The following ADD2 variants were observed in gnomAD, a reference collection of about 807,000 sequenced individuals.
The protein encoded by ADD2 is adducin 2, also known as beta-adducin.
Under a neutral mutation model 83.0 loss-of-function variants are expected in ADD2, and 23 were observed. That is an observed-to-expected ratio of 0.28 (90% CI 0.20 to 0.39). The LOEUF is 0.39. Among genes scored for constraint, ADD2 ranks in the 10% least tolerant of loss-of-function variants. The pLI is 1.00. For missense variants in ADD2, 758 were observed against 944.9 expected (o/e 0.80, Z 2.59); for synonymous variants, 375 against 375.4 (o/e 1.00, Z 0.01).
chr2:70,746,682 T>C (rs558451999), intron 1 of ADD2, among the ~76,000 whole-genome samples: 7 of 152,142 alleles, frequency 4.6e-5, no homozygotes, highest in Admixed American at 6.5e-5. Flanking sequence ...AGTTTGTATT[T>C]ATTAGTTTGT....
At chr2:70,733,073 G>A (rs1310567117) in intron 1 of ADD2, among the ~76,000 whole-genome samples, 1 of 152,154 alleles carries the variant, frequency 6.6e-6, no homozygotes, top group African/African-American at 2.4e-5. Flanking sequence ...AGCATTCAAG[G>A]ATTACATGCT....
intron 1 of ADD2, among the ~76,000 whole-genome samples, chr2:70,725,649 C>T (rs1672953522): frequency 6.6e-6 from 1 of 151,996 alleles, no homozygotes; most frequent in African/African-American, 2.4e-5. Context: ...CAAGGAACAC[C>T]AGGAGCCATC....
chr2:70,665,204 C>T (rs1350122096), intron 15 of ADD2, among the ~76,000 whole-genome samples: 1 of 152,076 alleles, frequency 6.6e-6, no homozygotes, highest in Non-Finnish European at 1.5e-5. Flanking sequence ...GGGAAGTGCA[C>T]GGTTACATGG....
intron 8 of ADD2, 35 bp from the exon 9 acceptor site, chr2:70,688,157 G>T: frequency 6.4e-7 from 1 of 1,571,518 alleles, no homozygotes; most frequent in South Asian, 1.1e-5. Flanking sequence ...AAAACCTTAA[G>T]TCCTCTAAAC....
At chr2:70,726,744 TG>T (rs1236165482) in intron 1 of ADD2, among the ~76,000 whole-genome samples, 27 of 152,230 alleles carry the variant, frequency 1.8e-4, no homozygotes, top group Non-Finnish European at 8.8e-5. Flanking sequence ...AAGCTCATTT[TG>T]GTAGACAAGA....
chr2:70,739,083 T>C (rs1673737792), intron 1 of ADD2, among the ~76,000 whole-genome samples: 1 of 152,038 alleles, frequency 6.6e-6, no homozygotes, highest in African/African-American at 2.4e-5. Flanking sequence ...CCAAAGAAAC[T>C]ATTAGGAGAG....
At chr2:70,688,484 A>G (rs1553370939) in intron 8 of ADD2, among the ~76,000 whole-genome samples, 1 of 152,264 alleles carries the variant, frequency 6.6e-6, no homozygotes, top group Non-Finnish European at 1.5e-5. Context: ...TAGGCCTTGG[A>G]AAGCTTAGAA....
intron 1 of ADD2, among the ~76,000 whole-genome samples, chr2:70,762,669 G>A (rs1675179280): frequency 6.7e-6 from 1 of 149,534 alleles, no homozygotes; most frequent in Middle Eastern, 3.3e-3. Context: ...GCATGCTAAA[G>A]GACATAGCAA....
intron 1 of ADD2, among the ~76,000 whole-genome samples, chr2:70,764,896 A>T (rs1675301526): frequency 6.6e-6 from 1 of 152,022 alleles, no homozygotes; most frequent in Non-Finnish European, 1.5e-5. Flanking sequence ...TCAGAACCCC[A>T]GGGGGCTGAG....
At chr2:70,709,850 A>T (rs1672087538) in intron 2 of ADD2, among the ~76,000 whole-genome samples, 1 of 152,192 alleles carries the variant, frequency 6.6e-6, no homozygotes, top group Non-Finnish European at 1.5e-5. Context: ...TTAGTTAAGA[A>T]TATTTCACCT....
At chr2:70,727,008 G>A (rs1553378408) in intron 1 of ADD2, among the ~76,000 whole-genome samples, 1 of 152,088 alleles carries the variant, frequency 6.6e-6, no homozygotes, top group African/African-American at 2.4e-5. Context: ...ACTTCTTGTG[G>A]GCCACAGCCA....
chr2:70,720,163 A>T (rs1553377083), intron 1 of ADD2, among the ~76,000 whole-genome samples: 1 of 152,128 alleles, frequency 6.6e-6, no homozygotes, highest in Non-Finnish European at 1.5e-5. Context: ...TTGCATCTAA[A>T]CTGGAGGGTA....
intron 1 of ADD2, among the ~76,000 whole-genome samples, chr2:70,728,691 G>A (rs970103744): frequency 2.0e-5 from 3 of 152,154 alleles, no homozygotes; most frequent in Non-Finnish European, 2.9e-5. Context: ...AACCATCCCC[G>A]CTCATGGGAG....
intron 1 of ADD2, among the ~76,000 whole-genome samples, chr2:70,761,697 A>C (rs1675108642): frequency 6.7e-6 from 1 of 148,248 alleles, no homozygotes; most frequent in African/African-American, 2.5e-5. Context: ...TTTGAGACAG[A>C]GTATCGTTCT....
rs527558288 is a variant in ADD2, at chr2:70,669,592, T to A, written c.1870+3286A>T. Among the ~76,000 whole-genome samples the A allele has an allele frequency of 6.8e-4, 103 of 152,330 alleles. 1 individual carries two copies. The highest frequency in any genetic ancestry group is 1.2e-3 in the Non-Finnish European group (79 of 68,028). On this transcript the variant is annotated intron_variant, in intron 15 of 15. Coordinates refer to ENST00000264436, the MANE Select transcript of ADD2 (RefSeq NM_001617.4). ...ACCCAAATATACTTTCAGTATCTGG[T>A]AGAGCTTGTGTGCAAATATGACCCC...
chr2:70,737,554 A>G, intron 1 of ADD2, among the ~76,000 whole-genome samples: 1 of 123,490 alleles, frequency 8.1e-6, no homozygotes, highest in Non-Finnish European at 1.6e-5. Context: ...GAAGGGGAAC[A>G]TCACACACCG....
At chr2:70,723,363 A>C (rs17006233) in intron 1 of ADD2, among the ~76,000 whole-genome samples, 16,696 of 151,726 alleles carry the variant, frequency 0.11, 983 homozygotes, top group African/African-American at 0.15. Flanking sequence ...ATCATTCCTC[A>C]TATGGATTCT....
Position 70,675,586 on chromosome 2 carries a change from T to C in ADD2, c.1594-761A>G, listed in dbSNP as rs1287934165. The C allele has an allele frequency of 1.0e-5, 10 of 985,350 alleles. No homozygotes were observed. The South Asian group carries it at 1.4e-4, about 14-fold the overall frequency. The allele number at this position is 985,350 out of a possible 1,614,324, so 61.0% of individuals were successfully genotyped here. A position where few individuals can be genotyped will look rare whatever the true frequency, so the allele number is the denominator to read the frequency against. ...CAGACTCCACAGCCTTTTTTCCTAA[T>C]TCAGCATCCTCATCTTGGCCTTTGA... On this transcript the variant is annotated intron_variant, in intron 13 of 15. Coordinates refer to ENST00000264436, the MANE Select transcript of ADD2 (RefSeq NM_001617.4).
chr2:70,722,862 G>A (rs1391062759), intron 1 of ADD2, among the ~76,000 whole-genome samples: 2 of 152,162 alleles, frequency 1.3e-5, no homozygotes, highest in African/African-American at 2.4e-5. Flanking sequence ...AAAACCACAA[G>A]GGCTTTTGTT....
Sources: gnomAD v4.1 joint callset for allele counts (sites outside exome capture counted in the v4.1 genomes callset) on GRCh38, gnomAD v4.1.1 for gene constraint, MANE v1.5 for transcripts, NCBI Gene and HGNC (gene_info 2026-07-23, HGNC 2026-07-21) for gene names.